Variants in CSMD1 observed in about 807,000 individuals in gnomAD.
The protein encoded by CSMD1 is CUB and Sushi multiple domains 1.
CSMD1 carries 213 observed loss-of-function variants against 417.5 expected under a neutral mutation model. The observed-to-expected ratio is 0.51, with a 90% CI of 0.46 to 0.57. The LOEUF is 0.57. Among genes scored for constraint, CSMD1 ranks in the 20% least tolerant of loss-of-function variants. The probability of loss-of-function intolerance (pLI) is 0.00; values close to 1 mark genes in which losing one functional copy is unlikely to be tolerated. For synonymous variants in CSMD1, 2,862 were observed against 1,736.8 expected, an observed-to-expected ratio of 1.65 and a Z score of -16.11; for missense variants, 6,923 against 4,529.7, an observed-to-expected ratio of 1.53 and a Z score of -15.17.
chr8:4,791,597 C>T (rs1797693466), intron 1 of CSMD1, among the ~76,000 whole-genome samples: 1 of 152,120 alleles, frequency 6.6e-6, no homozygotes, highest in African/African-American at 2.4e-5. Context: ...TGAAGCAGGA[C>T]CTTAAGCAGC....
intron 5 of CSMD1, among the ~76,000 whole-genome samples, chr8:3,878,926 G>C (rs977422391): frequency 1.3e-5 from 2 of 152,132 alleles, no homozygotes; most frequent in African/African-American, 4.8e-5. Context: ...GAATGTACAT[G>C]ACAGAAAATA....
intron 41 of CSMD1, among the ~76,000 whole-genome samples, chr8:3,131,255 T>G (rs1817776494): frequency 6.6e-6 from 1 of 152,054 alleles, no homozygotes; most frequent in African/African-American, 2.4e-5. Flanking sequence ...CAAACCATGG[T>G]GTAGTAACAT....
chr8:2,975,024 T>C (rs1272465698), intron 55 of CSMD1, among the ~76,000 whole-genome samples: 1 of 152,238 alleles, frequency 6.6e-6, no homozygotes, highest in Non-Finnish European at 1.5e-5. Context: ...TCAGTTAATA[T>C]GACAATCATA....
chr8:4,801,383 A>C (rs980094386), intron 1 of CSMD1, among the ~76,000 whole-genome samples: 1 of 152,030 alleles, frequency 6.6e-6, no homozygotes, highest in African/African-American at 2.4e-5. Context: ...AGCAGATTCA[A>C]AGTGAGAGAC....
intron 7 of CSMD1, among the ~76,000 whole-genome samples, chr8:3,703,530 G>A (rs1179783515): frequency 6.6e-6 from 1 of 152,072 alleles, no homozygotes; most frequent in Non-Finnish European, 1.5e-5. Flanking sequence ...AGGGGATGAG[G>A]AGGTATGGTG....
chr8:4,087,016 C>T (rs940082348), intron 3 of CSMD1, among the ~76,000 whole-genome samples: 2 of 152,196 alleles, frequency 1.3e-5, no homozygotes, highest in African/African-American at 4.8e-5. Flanking sequence ...ACGCTATGTA[C>T]ATCATGGAAT....
intron 1 of CSMD1, among the ~76,000 whole-genome samples, chr8:4,950,463 C>T (rs1052723118): frequency 6.6e-6 from 1 of 151,980 alleles, no homozygotes; most frequent in Non-Finnish European, 1.5e-5. Flanking sequence ...AAGCAGAACA[C>T]CTGCAAAATA....
intron 28 of CSMD1, 103 bp downstream of exon 28, chr8:3,223,626 T>A: frequency 8.5e-7 from 1 of 1,181,296 alleles, no homozygotes; most frequent in South Asian, 1.4e-5. Context: ...ATCTAGCACT[T>A]ACCTAGATAT....
chr8:3,589,486 T>A (rs2117016919), intron 8 of CSMD1, among the ~76,000 whole-genome samples: 1 of 152,192 alleles, frequency 6.6e-6, no homozygotes, highest in Admixed American at 6.5e-5. Context: ...ACAACACAGT[T>A]GATCCTGGGG....
chr8:2,968,160 T>G (rs1261523778), intron 57 of CSMD1, among the ~76,000 whole-genome samples: 1 of 152,234 alleles, frequency 6.6e-6, no homozygotes, highest in Non-Finnish European at 1.5e-5. Flanking sequence ...AATTTCATTT[T>G]GCAATAATTA....
chr8:4,730,446 G>T (rs1249550632), intron 1 of CSMD1, among the ~76,000 whole-genome samples: 1 of 152,042 alleles, frequency 6.6e-6, no homozygotes, highest in Non-Finnish European at 1.5e-5. Context: ...TCAGATTTAA[G>T]AATAAAGAAA....
intron 41 of CSMD1, among the ~76,000 whole-genome samples, chr8:3,121,875 T>A (rs1376258433): frequency 6.6e-6 from 1 of 152,134 alleles, no homozygotes; most frequent in Non-Finnish European, 1.5e-5. Flanking sequence ...AGTGTGAATA[T>A]CAAGTAATTT....
chr8:3,950,143 C>A (rs1479004682), intron 5 of CSMD1, among the ~76,000 whole-genome samples: 1 of 152,122 alleles, frequency 6.6e-6, no homozygotes, highest in East Asian at 1.9e-4. Flanking sequence ...TGCATTTATA[C>A]ACCAGCTGAC....
At position 3,653,173 on chromosome 8, in the gene CSMD1, T is replaced by C. The variant is rs576303810; in HGVS notation, c.1010-36376A>G. On this transcript the variant is annotated intron_variant, in intron 7 of 69. Transcript: ENST00000635120. Reference sequence around the variant, plus strand: ...TTCAAGTTGCATATATTTTTAAATATATAAATATACAAATATATTTAAAAT... The same window carrying C: ...TTCAAGTTGCATATATTTTTAAATACATAAATATACAAATATATTTAAAAT... Among the ~76,000 whole-genome samples the C allele has an allele frequency of 3.9e-5, 6 of 151,962 alleles. 1 individual carries two copies. The South Asian group carries it at 1.2e-3, about 31-fold the overall frequency.
At chr8:4,471,089 T>G (rs1339776706) in intron 2 of CSMD1, among the ~76,000 whole-genome samples, 1 of 152,230 alleles carries the variant, frequency 6.6e-6, no homozygotes, top group Non-Finnish European at 1.5e-5. Context: ...TTGACATATT[T>G]GTTTTGTATT....
chr8:3,890,522 G>C (rs949438398), intron 5 of CSMD1, among the ~76,000 whole-genome samples: 1 of 152,008 alleles, frequency 6.6e-6, no homozygotes, highest in Non-Finnish European at 1.5e-5. Context: ...AGGACTCGGT[G>C]GGGAACAAAA....
intron 5 of CSMD1, among the ~76,000 whole-genome samples, chr8:3,980,115 A>G (rs1813737781): frequency 7.5e-6 from 1 of 134,220 alleles, no homozygotes; most frequent in Non-Finnish European, 1.6e-5. Flanking sequence ...TTTCTAGAAA[A>G]TAGGTTTTAT....
chr8:4,730,695 C>T lies in CSMD1; in HGVS notation c.86-93137G>A, dbSNP rs916441450. Among the ~76,000 whole-genome samples the T allele has an allele frequency of 6.6e-5, 10 of 151,682 alleles. No homozygotes were observed. The South Asian group carries it at 8.3e-4, about 13-fold the overall frequency. ...AGCGGAGCTTGCAGTGAGGAGAGATCGTGCCACTGCACTCCAGCCTGGGCG... is the reference window on the plus strand; with the variant it reads ...AGCGGAGCTTGCAGTGAGGAGAGATTGTGCCACTGCACTCCAGCCTGGGCG... On this transcript the variant is annotated intron_variant, in intron 1 of 69. Transcript: ENST00000635120.
chr8:3,477,467 G>A (rs1026484573), intron 11 of CSMD1, among the ~76,000 whole-genome samples: 5 of 152,164 alleles, frequency 3.3e-5, no homozygotes, highest in African/African-American at 1.2e-4. Context: ...TGCCTTAATT[G>A]GGTAGACACA....
Sources: gnomAD v4.1 joint callset for allele counts (sites outside exome capture counted in the v4.1 genomes callset) on GRCh38, gnomAD v4.1.1 for gene constraint, MANE v1.5 for transcripts, NCBI Gene and HGNC (gene_info 2026-07-23, HGNC 2026-07-21) for gene names.